Variants in CABCOCO1 observed in about 807,000 individuals in gnomAD.
CABCOCO1 encodes ciliary-associated calcium-binding coiled-coil protein 1.
In CABCOCO1, 28 loss-of-function variants were observed where a neutral mutation model predicts 35.7. The ratio of observed to expected loss-of-function variants is 0.78; its 90% CI spans 0.58 to 1.07. CABCOCO1 has a LOEUF of 1.07. Ranked by LOEUF, CABCOCO1 falls within the 50% of genes least tolerant of loss-of-function variation. CABCOCO1 has a pLI of 0.00. For missense variants in CABCOCO1, 326 were observed against 309.2 expected (o/e 1.05, Z -0.41); for synonymous variants, 95 against 100.1 (o/e 0.95, Z 0.30).
intron 5 of CABCOCO1, among the ~76,000 whole-genome samples, chr10:61,724,859 G>A (rs1841106167): frequency 6.6e-6 from 1 of 152,106 alleles, no homozygotes. Flanking sequence ...TATACCTAAT[G>A]TAAATGACGA....
intron 5 of CABCOCO1, among the ~76,000 whole-genome samples, chr10:61,753,367 AT>A (rs1243335154): frequency 6.6e-6 from 1 of 152,084 alleles, no homozygotes; most frequent in African/African-American, 2.4e-5. Context: ...AAAGCATTCA[AT>A]TTTTTTAACT....
intron 5 of CABCOCO1, among the ~76,000 whole-genome samples, chr10:61,719,547 A>G (rs893486456): frequency 6.6e-6 from 1 of 152,254 alleles, no homozygotes; most frequent in South Asian, 2.1e-4. Context: ...TAGGGTATAC[A>G]CTTGCACTGC....
intron 1 of CABCOCO1, among the ~76,000 whole-genome samples, chr10:61,668,880 A>G (rs1839270127): frequency 6.6e-6 from 1 of 151,848 alleles, no homozygotes; most frequent in Non-Finnish European, 1.5e-5. Flanking sequence ...TCAAACCTAA[A>G]GCCCCCAAAA....
intron 1 of CABCOCO1, among the ~76,000 whole-genome samples, chr10:61,663,610 A>C (rs1839076898): frequency 6.8e-6 from 1 of 147,620 alleles, no homozygotes; most frequent in Admixed American, 6.9e-5. Flanking sequence ...ACTGGCTGGA[A>C]AATCTTCTCT....
intron 5 of CABCOCO1, among the ~76,000 whole-genome samples, chr10:61,719,528 T>C (rs1840945919): frequency 6.6e-6 from 1 of 151,764 alleles, no homozygotes; most frequent in South Asian, 2.1e-4. Context: ...ACACAGAAAA[T>C]ACTCAGCATA....
At chr10:61,699,272 C>A (rs570441549) in intron 5 of CABCOCO1, among the ~76,000 whole-genome samples, 8 of 152,146 alleles carry the variant, frequency 5.3e-5, no homozygotes, top group Middle Eastern at 3.4e-3. Flanking sequence ...CCTTTTTCTC[C>A]GAAGCACAGA....
intron 5 of CABCOCO1, among the ~76,000 whole-genome samples, chr10:61,721,758 T>A (rs1841027620): frequency 6.6e-6 from 1 of 152,110 alleles, no homozygotes; most frequent in Non-Finnish European, 1.5e-5. Context: ...AGTGATGCAT[T>A]CCATAGAATT....
intron 5 of CABCOCO1, among the ~76,000 whole-genome samples, chr10:61,721,110 G>C (rs1230217125): frequency 1.3e-5 from 2 of 151,464 alleles, no homozygotes; most frequent in Non-Finnish European, 2.9e-5. Flanking sequence ...ATTTTTAGTA[G>C]AGACGGGGTT....
At chr10:61,716,630 T>C (rs1470859920) in intron 5 of CABCOCO1, among the ~76,000 whole-genome samples, 1 of 152,186 alleles carries the variant, frequency 6.6e-6, no homozygotes, top group African/African-American at 2.4e-5. Context: ...TCTCTACCTT[T>C]CTTGGGGCAC....
chr10:61,726,584 T>G (rs948315327), intron 5 of CABCOCO1, among the ~76,000 whole-genome samples: 3 of 152,094 alleles, frequency 2.0e-5, no homozygotes, highest in African/African-American at 7.2e-5. Context: ...TGATTCTGTT[T>G]ATTTTTATGA....
At chr10:61,706,809 T>C (rs954350425) in intron 5 of CABCOCO1, among the ~76,000 whole-genome samples, 7 of 152,054 alleles carry the variant, frequency 4.6e-5, no homozygotes, top group Non-Finnish European at 2.9e-5. Flanking sequence ...ACATGTTGGG[T>C]GCATCCTTCA....
chr10:61,757,284 C>T (rs1841917051), intron 5 of CABCOCO1, among the ~76,000 whole-genome samples: 1 of 151,952 alleles, frequency 6.6e-6, no homozygotes, highest in Non-Finnish European at 1.5e-5. Context: ...TGTGATGCTT[C>T]TGGGCATTAT....
At chr10:61,732,181 T>C (rs1589145751) in intron 5 of CABCOCO1, among the ~76,000 whole-genome samples, 1 of 152,260 alleles carries the variant, frequency 6.6e-6, no homozygotes, top group South Asian at 2.1e-4. Context: ...AAGATCTGTA[T>C]GAGCTGAAAG....
At chr10:61,759,982 A>G (rs1841972469) in intron 5 of CABCOCO1, 77 bp from the exon 6 acceptor site, 4 of 1,546,880 alleles carry the variant, frequency 2.6e-6, no homozygotes, top group Non-Finnish European at 3.5e-6. Flanking sequence ...ACTATGGTAC[A>G]TATATAACGG....
chr10:61,703,664 T>C (rs529447455), intron 5 of CABCOCO1, among the ~76,000 whole-genome samples: 2 of 152,128 alleles, frequency 1.3e-5, no homozygotes, highest in East Asian at 1.9e-4. Context: ...AGTTTATATG[T>C]AATCTGACTT....
intron 5 of CABCOCO1, among the ~76,000 whole-genome samples, chr10:61,744,613 G>T (rs914378018): frequency 2.0e-5 from 3 of 152,136 alleles, no homozygotes; most frequent in Non-Finnish European, 4.4e-5. Context: ...AGTTTGTGAT[G>T]AAATAAAACT....
At chr10:61,673,845 T>G (rs1159010976) in intron 2 of CABCOCO1, among the ~76,000 whole-genome samples, 1 of 152,192 alleles carries the variant, frequency 6.6e-6, no homozygotes. Flanking sequence ...GATTTTACCA[T>G]TTTTATAGAA....
chr10:61,740,312 A>G (rs920756370), intron 5 of CABCOCO1, among the ~76,000 whole-genome samples: 1 of 152,196 alleles, frequency 6.6e-6, no homozygotes, highest in African/African-American at 2.4e-5. Flanking sequence ...CTGTGACATC[A>G]TGATAGAAAG....
intron 5 of CABCOCO1, among the ~76,000 whole-genome samples, chr10:61,728,599 T>A (rs1841220123): frequency 2.0e-5 from 3 of 152,214 alleles, no homozygotes; most frequent in African/African-American, 7.2e-5. Context: ...TACTAGTTTT[T>A]AAAATACACA....
Sources: allele counts gnomAD v4.1 joint callset (sites outside exome capture counted in the v4.1 genomes callset), GRCh38; gene constraint gnomAD v4.1.1; transcripts MANE v1.5; gene names NCBI Gene and HGNC (gene_info 2026-07-23, HGNC 2026-07-21).